The following PAPLN variants were observed in gnomAD, a reference collection of about 807,000 sequenced individuals.
The protein encoded by PAPLN is papilin.
Under a neutral mutation model 159.0 loss-of-function variants are expected in PAPLN, and 146 were observed. The ratio of observed to expected loss-of-function variants is 0.92; its 90% CI spans 0.80 to 1.05. The LOEUF (loss-of-function observed/expected upper bound fraction) is 1.05, where lower values mean the gene tolerates loss of function less well. Among genes scored for constraint, PAPLN ranks in the 50% least tolerant of loss-of-function variants. The probability of loss-of-function intolerance (pLI) is 0.00; values close to 1 mark genes in which losing one functional copy is unlikely to be tolerated. For synonymous variants in PAPLN, 734 were observed against 702.9 expected (o/e 1.04, Z -0.70); for missense variants, 1,720 against 1,743.9 (o/e 0.99, Z 0.24).
intron 19 of PAPLN, 115 bp from the exon 20 acceptor site, chr14:73,263,530 A>G: frequency 1.4e-6 from 2 of 1,418,188 alleles, no homozygotes; most frequent in Non-Finnish European, 1.9e-6. Flanking sequence ...CTCTAGCCCC[A>G]AAAGTGCCTG....
intron 18 of PAPLN, among the ~76,000 whole-genome samples, chr14:73,261,840 A>G (rs1170893380): frequency 6.6e-6 from 1 of 152,188 alleles, no homozygotes; most frequent in Non-Finnish European, 1.5e-5. Flanking sequence ...GAGATGGGTC[A>G]GGCCATGCTG....
At position 73,265,255 on chromosome 14, in the gene PAPLN, A is replaced by C; in HGVS notation, c.3126-115A>C. Reference sequence around the variant, plus strand: ...CAGAACAAGGCAGGGGATTTTAGGAAGCTGAATCTGGCTGGAGAGGGAGAA... The same window carrying C: ...CAGAACAAGGCAGGGGATTTTAGGACGCTGAATCTGGCTGGAGAGGGAGAA... On this transcript the variant is annotated intron_variant, in intron 22 of 26. Transcript: ENST00000644200. The surrounding 1 kb of genome is among the most constrained non-coding windows in gnomAD (Gnocchi z 4.1). 1 of 1,476,870 alleles carries C rather than the reference A, an allele frequency of 6.8e-7. No individual in the cohort carries two copies. Among genetic ancestry groups the C allele is most frequent in the Non-Finnish European group, 9.0e-7 (1 of 1,109,126 alleles). 91.5% of individuals were successfully genotyped at this position (1,476,870 alleles called of 1,614,324 possible). A position where few individuals can be genotyped will look rare whatever the true frequency, so the allele number is the denominator to read the frequency against.
intron 12 of PAPLN, 24 bp from the exon 13 acceptor site, chr14:73,254,489 C>T (rs771248946): frequency 1.9e-6 from 3 of 1,611,604 alleles, no homozygotes; most frequent in Admixed American, 1.7e-5. Flanking sequence ...GGCCGAGCTT[C>T]TGCTGACAGC....
chr14:73,236,621 A>AGGT (rs989214403), upstream of PAPLN, among the ~76,000 whole-genome samples: 1 of 152,184 alleles, frequency 6.6e-6, no homozygotes, highest in African/African-American at 2.4e-5. Flanking sequence ...GTTGGAGACC[A>AGGT]GTCTGGCCAA....
intron 2 of PAPLN, 60 bp from the exon 3 acceptor site, chr14:73,244,584 G>C: frequency 7.2e-7 from 1 of 1,395,056 alleles, no homozygotes; most frequent in Non-Finnish European, 9.9e-7. Context: ...CATCTTTGGA[G>C]GGGCCTCTGG....
chr14:73,265,284 G>GC lies in PAPLN; in HGVS notation c.3126-84dup. On this transcript the variant is annotated intron_variant, in intron 22 of 26. Coordinates refer to ENST00000644200, the MANE Select transcript of PAPLN (RefSeq NM_001365906.3). This position sits in a 1 kb window ranked among gnomAD's most constrained non-coding sequence, Gnocchi z 4.1. ...GAATCTGGCTGGAGAGGGAGAAGGGGCCACCAGGCTTGTGCAGAGGTGCCC... is the reference window on the plus strand; with the variant it reads ...GAATCTGGCTGGAGAGGGAGAAGGGGCCCACCAGGCTTGTGCAGAGGTGCCC... The GC allele has an allele frequency of 2.6e-6, 4 of 1,531,492 alleles. No individual in the cohort carries two copies. The highest frequency in any genetic ancestry group is 1.2e-5 in the South Asian group (1 of 81,278). 94.9% of individuals were successfully genotyped at this position (1,531,492 alleles called of 1,614,324 possible).
intron 20 of PAPLN, 71 bp from the exon 21 acceptor site, chr14:73,264,140 G>T: frequency 6.2e-7 from 1 of 1,604,400 alleles, no homozygotes. Context: ...CACGAGCACC[G>T]AGGCGGAGGG....
Position 73,265,242 on chromosome 14 carries a change from G to C in PAPLN, c.3126-128G>C, listed in dbSNP as rs1215938040. ...ACCATTTCCTAACCAGAACAAGGCA[G>C]GGGATTTTAGGAAGCTGAATCTGGC... On this transcript the variant is annotated intron_variant, in intron 22 of 26. Coordinates refer to ENST00000644200, the MANE Select transcript of PAPLN (RefSeq NM_001365906.3). The surrounding 1 kb of genome is among the most constrained non-coding windows in gnomAD (Gnocchi z 4.1). The C allele has an allele frequency of 7.0e-7, 1 of 1,434,966 alleles. No homozygotes were observed. Among genetic ancestry groups the C allele is most frequent in the African/African-American group, 1.4e-5 (1 of 70,168 alleles). 88.9% of individuals were successfully genotyped at this position (1,434,966 alleles called of 1,614,324 possible).
rs145060858 is a variant in PAPLN at position 73,245,954 on chromosome 14, G to C, written c.232-119G>C. ...GGTCCGGGGGGCGGACTCCACCTCC[G>C]GCGGCTCCGATGGGGCAGGCAAGGG... On this transcript the variant is annotated intron_variant, in intron 4 of 26. Transcript: ENST00000644200. This position sits in a 1 kb window ranked among gnomAD's most constrained non-coding sequence, Gnocchi z 4.2. 2 of 1,077,786 alleles carry C rather than the reference G, an allele frequency of 1.9e-6. No homozygotes were observed. The highest frequency in any genetic ancestry group is 2.7e-5 in the East Asian group (1 of 36,804). 66.8% of individuals were successfully genotyped at this position (1,077,786 alleles called of 1,614,324 possible).
intron 20 of PAPLN, 99 bp downstream of exon 20, chr14:73,263,881 G>GTGACGGCCCCCCTACCCCCTC: frequency 2.3e-6 from 3 of 1,305,374 alleles, no homozygotes. Context: ...TCTGATAGGT[G>GTGACGGCCCCCCTACCCCCTC]TGACAGACCC....
At position 73,253,651 on chromosome 14, in the gene PAPLN, T is replaced by G. The variant is rs1437564461; in HGVS notation, c.1095-103T>G. ...TGGAGGCTCAGAGGATGGGCTGGGGTGGGGGTCCTCAGGCCACCTGTGTGA... is the reference window on the plus strand; with the variant it reads ...TGGAGGCTCAGAGGATGGGCTGGGGGGGGGGTCCTCAGGCCACCTGTGTGA... On this transcript the variant is annotated intron_variant, in intron 11 of 26. Coordinates refer to ENST00000644200, the MANE Select transcript of PAPLN (RefSeq NM_001365906.3). The G allele has an allele frequency of 2.8e-6, 3 of 1,082,374 alleles. No individual in the cohort carries two copies. In the Admixed American group the frequency reaches 7.6e-5, roughly 28 times the overall value. The allele number at this position is 1,082,374 out of a possible 1,614,324, so 67.0% of individuals were successfully genotyped here. A position where few individuals can be genotyped will look rare whatever the true frequency, so the allele number is the denominator to read the frequency against.
At chr14:73,262,225 CAG>C (rs1332674763) in intron 18 of PAPLN, 123 bp from the exon 19 acceptor site, 15 of 977,252 alleles carry the variant, frequency 1.5e-5, no homozygotes, top group Non-Finnish European at 2.1e-5. Context: ...GGCCCCCAGA[CAG>C]GGGTGTAGAC....
At chr14:73,237,015 G>T (rs755214331), upstream of PAPLN, among the ~76,000 whole-genome samples, 5 of 149,804 alleles carry the variant, frequency 3.3e-5, no homozygotes, top group Non-Finnish European at 6.0e-5. Context: ...AGTGACATTT[G>T]ACCAAGGTTT....
intron 25 of PAPLN, 87 bp downstream of exon 25, chr14:73,266,918 G>A: frequency 1.6e-6 from 2 of 1,274,430 alleles, no homozygotes; most frequent in Non-Finnish European, 2.2e-6. Context: ...GGATGTCACT[G>A]TCACCACTGC....
Position 73,262,589 on chromosome 14 carries a change from G to C in PAPLN, c.2485G>C (p.Gly829Arg), listed in dbSNP as rs756661474. The C allele has an allele frequency of 6.4e-7, 1 of 1,560,898 alleles. No individual in the cohort carries two copies. The highest frequency in any genetic ancestry group is 8.7e-7 in the Non-Finnish European group (1 of 1,151,280). Residue 829 changes from glycine (G) to arginine (R), a missense_variant, in exon 19 of 27, where the codon GGC (glycine) becomes CGC (arginine). Gly to Arg is a moderately radical substitution (Grantham distance 125). Coordinates refer to ENST00000644200, the MANE Select transcript of PAPLN (RefSeq NM_001365906.3). ...AAGGAGCACCCACACGGATGGTGGC[G>C]GCAGCAGTCCTGCAGGCGAGCAGGA... is the stretch of plus-strand genomic sequence containing the variant. ...SGRSTHTDGG[G>R]SSPAGEQEPS...
At chr14:73,251,403 C>A in intron 7 of PAPLN, 83 bp from the exon 8 acceptor site, 1 of 1,379,128 alleles carries the variant, frequency 7.3e-7, no homozygotes. Context: ...CCATTCTGTG[C>A]TGTGTGGCAC....
chr14:73,250,153 C>T, intron 6 of PAPLN, 39 bp downstream of exon 6: 1 of 1,564,176 alleles, frequency 6.4e-7, no homozygotes, highest in East Asian at 2.3e-5. Context: ...TCCGGGCTGC[C>T]TGGGGGCTCA....
intron 2 of PAPLN, among the ~76,000 whole-genome samples, chr14:73,242,281 C>T (rs749796106): frequency 3.3e-5 from 5 of 152,186 alleles, no homozygotes; most frequent in African/African-American, 4.8e-5. Context: ...CTTGTTCAGG[C>T]CAGTCCTGCC....
chr14:73,253,496 A>AG (rs5809606), intron 11 of PAPLN, among the ~76,000 whole-genome samples: 33,250 of 151,990 alleles, frequency 0.22, 3,946 homozygotes, highest in East Asian at 0.45. Context: ...GGAAGGAGAA[A>AG]GGGGGATAGG....
Sources: gnomAD v4.1 joint callset for allele counts (sites outside exome capture counted in the v4.1 genomes callset) on GRCh38, gnomAD v4.1.1 for gene constraint, Gnocchi (gnomAD v3.1) non-coding constraint, MANE v1.5 for transcripts, NCBI Gene and HGNC (gene_info 2026-07-23, HGNC 2026-07-21) for gene names.